Variants in TUBB2A observed in about 807,000 individuals in gnomAD.
TUBB2A encodes the protein tubulin beta 2A class IIa.
A neutral mutation model predicts 33.9 loss-of-function variants in TUBB2A; 7 were observed. The observed-to-expected ratio is 0.21, with a 90% CI of 0.12 to 0.39. The LOEUF (loss-of-function observed/expected upper bound fraction) is 0.39. Among genes scored for constraint, TUBB2A ranks in the 10% least tolerant of loss-of-function variants. TUBB2A has a pLI of 1.00. For missense variants in TUBB2A, 80 were observed against 593.4 expected (o/e 0.13, Z 8.99); for synonymous variants, 187 against 247.6 (o/e 0.76, Z 2.30).
chr6:3,155,046 C>T lies in TUBB2A; in HGVS notation c.278-123G>A. 3 of 1,517,442 alleles carry T rather than the reference C, an allele frequency of 2.0e-6. No homozygotes were observed. Among genetic ancestry groups the T allele is most frequent in the Non-Finnish European group, 2.7e-6 (3 of 1,129,506 alleles). 94.0% of individuals were successfully genotyped at this position (1,517,442 alleles called of 1,614,324 possible). On this transcript the variant is annotated intron_variant, in intron 3 of 3. Transcript: ENST00000333628. The surrounding 1 kb of genome is among the most constrained non-coding windows in gnomAD (Gnocchi z 4.2). ...GGCAGATTCTTCTCTTTTGAATACT[C>T]TTCTTTTACCTGAAGAAATATTTTT...
intron 1 of TUBB2A, 52 bp from the exon 2 acceptor site, chr6:3,156,204 G>A (rs770927776): frequency 6.2e-7 from 1 of 1,612,360 alleles, no homozygotes; most frequent in African/African-American, 1.3e-5. Flanking sequence ...ATGTCACTAA[G>A]GATGGCCTTG....
intron 1 of TUBB2A, among the ~76,000 whole-genome samples, chr6:3,156,505 A>G (rs1303720085): frequency 6.6e-6 from 1 of 151,944 alleles, no homozygotes; most frequent in South Asian, 2.1e-4. Flanking sequence ...ATGCCATTGC[A>G]TCCGGGATGA....
rs1762610100 is a variant in TUBB2A at position 3,155,141 on chromosome 6, TATTG to T, written c.278-222_278-219del. ...GAAGTAAGTTTAGCTCATCTGAGGC[TATTG>T]ATTGAGGAAGAGGATAGGGTTAGAA... On this transcript the variant is annotated intron_variant, in intron 3 of 3. Coordinates refer to ENST00000333628, the MANE Select transcript of TUBB2A (RefSeq NM_001069.3). The surrounding 1 kb of genome is among the most constrained non-coding windows in gnomAD (Gnocchi z 4.2). 7.7e-6 allele frequency: 10 copies of T among 1,299,456 alleles called. No homozygotes were observed. The highest frequency in any genetic ancestry group is 1.0e-5 in the Non-Finnish European group (10 of 970,536). 80.5% of individuals were successfully genotyped at this position (1,299,456 alleles called of 1,614,324 possible). A position where few individuals can be genotyped will look rare whatever the true frequency, so the allele number is the denominator to read the frequency against.
In TUBB2A at chr6:3,153,892, C is replaced by T. The variant is rs369148878; in HGVS notation, c.1309G>A (p.Glu437Lys). Residue 437 changes from glutamate to lysine, a missense_variant, in exon 4 of 4, where the codon GAG becomes AAG. Glu to Lys is a moderately conservative substitution (Grantham distance 56, BLOSUM62 1). This residue lies in a region of TUBB2A where 15 missense variants were observed against 23.2 expected (regional missense o/e 0.65). Coordinates refer to ENST00000333628, the MANE Select transcript of TUBB2A (RefSeq NM_001069.3). ...DATADEQGEF[E>K]EEEGEDEA ...GCCTCGTCCTCGCCCTCCTCCTCCT[C>T]GAACTCCCCTTGTTCGTCGGCCGTG... 1 of 1,613,952 alleles carries T rather than the reference C, an allele frequency of 6.2e-7. No individual in the cohort carries two copies. The highest frequency in any genetic ancestry group is 1.3e-5 in the African/African-American group (1 of 74,980).
rs1581497078 is a variant in TUBB2A at position 3,154,930 on chromosome 6, G to A, written c.278-7C>T. 3.1e-6 allele frequency: 5 copies of A among 1,614,022 alleles called. No homozygotes were observed. Among genetic ancestry groups the A allele is most frequent in the Non-Finnish European group, 4.2e-6 (5 of 1,180,010 alleles). On this transcript the variant is annotated splice_region_variant and splice_polypyrimidine_tract_variant and intron_variant, in intron 3 of 3. Coordinates refer to ENST00000333628, the MANE Select transcript of TUBB2A (RefSeq NM_001069.3). ...TTCCCGGCTCCACTCTGGCCTGCCAGAGGGAAAGTGAACATTAGACACTAA... is the reference window on the plus strand; with the variant it reads ...TTCCCGGCTCCACTCTGGCCTGCCAAAGGGAAAGTGAACATTAGACACTAA...
rs928638865 is a variant in TUBB2A, at chr6:3,155,178, T to C, written c.278-255A>G. 130 of 1,003,612 alleles carry C rather than the reference T, an allele frequency of 1.3e-4. No homozygotes were observed. The highest frequency in any genetic ancestry group is 1.8e-4 in the Non-Finnish European group (124 of 708,060). The allele number at this position is 1,003,612 out of a possible 1,614,324, so 62.2% of individuals were successfully genotyped here. On this transcript the variant is annotated intron_variant, in intron 3 of 3. Transcript: ENST00000333628. The surrounding 1 kb of genome is among the most constrained non-coding windows in gnomAD (Gnocchi z 4.2). The stretch of plus-strand genomic sequence containing the variant: ...AAGAGGATAGGGTTAGAAAACTTAA[T>C]TGGTTCTGAAATACATACATTTTTA...
rs1049372034 is a variant in TUBB2A at position 3,155,311 on chromosome 6, G to A, written c.277+314C>T. Among the ~76,000 whole-genome samples the A allele has an allele frequency of 6.6e-6, 1 of 152,240 alleles. No individual in the cohort carries two copies. Reference sequence around the variant, plus strand: ...CTGTCTAGCTCTGGTCATAACCTGTGCTTTTGGCCCCTGGCTCTTTGAAGT... The same window carrying A: ...CTGTCTAGCTCTGGTCATAACCTGTACTTTTGGCCCCTGGCTCTTTGAAGT... On this transcript the variant is annotated intron_variant, in intron 3 of 3. Transcript: ENST00000333628. The surrounding 1 kb of genome is among the most constrained non-coding windows in gnomAD (Gnocchi z 4.2).
In TUBB2A at chr6:3,155,702, T is replaced by G; in HGVS notation, c.200A>C (p.Asp67Ala). The G allele has an allele frequency of 6.2e-7, 1 of 1,614,074 alleles. No individual in the cohort carries two copies. The highest frequency in any genetic ancestry group is 8.5e-7 in the Non-Finnish European group (1 of 1,180,022). The change falls in exon 3 of 4, where the codon GAT becomes GCT. Residue 67 changes from aspartate (D) to alanine (A), a missense_variant. Physicochemically the swap from Asp to Ala is moderately radical, Grantham distance 126. Coordinates refer to ENST00000333628, the MANE Select transcript of TUBB2A (RefSeq NM_001069.3). The surrounding 1 kb of genome is among the most constrained non-coding windows in gnomAD (Gnocchi z 4.2). Reference sequence around the variant, plus strand: ...AGAGTCCATGGTGCCAGGCTCCAGATCCACCAGGATGGCCCGAGGTACATA... The same window carrying G: ...AGAGTCCATGGTGCCAGGCTCCAGAGCCACCAGGATGGCCCGAGGTACATA... ...NKYVPRAILVDLEPGTMDSVR... is the reference protein window; with the variant it reads ...NKYVPRAILVALEPGTMDSVR...
Position 3,154,517 on chromosome 6 carries a change from C to A in TUBB2A, c.684G>T (p.Leu228=), listed in dbSNP as rs1261546085. Residue 228 remains leucine, a synonymous_variant, in exon 4 of 4, where the codon CTG becomes CTT. Coordinates refer to ENST00000333628, the MANE Select transcript of TUBB2A (RefSeq NM_001069.3). Reference sequence around the variant, plus strand: ...TGACCCCGCTCATGGTGGCCGACACCAGGTGGTTGAGGTCCCCGTAGGTGG... The same window carrying A: ...TGACCCCGCTCATGGTGGCCGACACAAGGTGGTTGAGGTCCCCGTAGGTGG... ...TTPTYGDLNH[L]VSATMSGVTT... is the part of the protein sequence containing the mutation. 1 of 1,610,348 alleles carries A rather than the reference C, an allele frequency of 6.2e-7. No individual in the cohort carries two copies. Among genetic ancestry groups the A allele is most frequent in the Admixed American group, 1.7e-5 (1 of 59,680 alleles).
In TUBB2A at chr6:3,154,755, G is replaced by T; in HGVS notation, c.446C>A (p.Thr149Asn). 6.2e-7 allele frequency: 1 copy of T among 1,610,216 alleles called. No homozygotes were observed. The highest frequency in any genetic ancestry group is 2.2e-5 in the East Asian group (1 of 44,744). Residue 149 changes from threonine to asparagine, a missense_variant, in exon 4 of 4, where the codon ACC becomes AAC. Coordinates refer to ENST00000333628, the MANE Select transcript of TUBB2A (RefSeq NM_001069.3). ...TTCCCGGATCTTGCTGATGAGCAGGGTGCCCATCCCGGACCCCGTGCCGCC... is the reference window on the plus strand; with the variant it reads ...TTCCCGGATCTTGCTGATGAGCAGGTTGCCCATCCCGGACCCCGTGCCGCC... Reference protein sequence around the residue: ...LGGGTGSGMGTLLISKIREEY... With the variant: ...LGGGTGSGMGNLLISKIREEY...
In TUBB2A at chr6:3,155,939, G is replaced by A. The variant is rs1432354124; in HGVS notation, c.166+105C>T. The A allele has an allele frequency of 1.4e-6, 2 of 1,478,198 alleles. No individual in the cohort carries two copies. Among genetic ancestry groups the A allele is most frequent in the Admixed American group, 4.7e-5 (2 of 42,718 alleles). 91.6% of individuals were successfully genotyped at this position (1,478,198 alleles called of 1,614,324 possible). On this transcript the variant is annotated intron_variant, in intron 2 of 3. Coordinates refer to ENST00000333628, the MANE Select transcript of TUBB2A (RefSeq NM_001069.3). The surrounding 1 kb of genome is among the most constrained non-coding windows in gnomAD (Gnocchi z 4.2). Reference sequence around the variant, plus strand: ...TTTTCCAGCAGTTGGCATTTGAAATGAATATGCAAGAAGCATGCCTTTGTC... The same window carrying A: ...TTTTCCAGCAGTTGGCATTTGAAATAAATATGCAAGAAGCATGCCTTTGTC...
In TUBB2A at chr6:3,153,833, C is replaced by T; in HGVS notation, c.*30G>A. Reference sequence around the variant, plus strand: ...CATGCTTGAGGACAACAGAAGTTCACTAAGGATGCACGATTGATCTGAGAA... The same window carrying T: ...CATGCTTGAGGACAACAGAAGTTCATTAAGGATGCACGATTGATCTGAGAA... On this transcript the variant is annotated 3_prime_UTR_variant, in exon 4 of 4. Transcript: ENST00000333628. 2 of 1,612,722 alleles carry T rather than the reference C, an allele frequency of 1.2e-6. No homozygotes were observed. The highest frequency in any genetic ancestry group is 1.7e-6 in the Non-Finnish European group (2 of 1,178,778).
rs1432943135 is a variant in TUBB2A at position 3,153,841 on chromosome 6, G to A, written c.*22C>T. The A allele has an allele frequency of 3.1e-6, 5 of 1,613,524 alleles. No individual in the cohort carries two copies. The highest frequency in any genetic ancestry group is 4.2e-6 in the Non-Finnish European group (5 of 1,179,536). On this transcript the variant is annotated 3_prime_UTR_variant, in exon 4 of 4. Transcript: ENST00000333628. ...AGGACAACAGAAGTTCACTAAGGAT[G>A]CACGATTGATCTGAGAAGTTTTTAA...
Position 3,153,688 on chromosome 6 carries a change from T to A in TUBB2A, c.*175A>T. Reference sequence around the variant, plus strand: ...AGGTTTTCTACACATGCTTTTTTATTAGTATAGATACCTTCACAGACAATA... The same window carrying A: ...AGGTTTTCTACACATGCTTTTTTATAAGTATAGATACCTTCACAGACAATA... On this transcript the variant is annotated 3_prime_UTR_variant, in exon 4 of 4. Coordinates refer to ENST00000333628, the MANE Select transcript of TUBB2A (RefSeq NM_001069.3). The A allele has an allele frequency of 9.9e-7, 1 of 1,006,690 alleles. No individual in the cohort carries two copies. Among genetic ancestry groups the A allele is most frequent in the Non-Finnish European group, 1.4e-6 (1 of 699,322 alleles). The allele number at this position is 1,006,690 out of a possible 1,614,324, so 62.4% of individuals were successfully genotyped here.
chr6:3,153,825 G>T lies in TUBB2A; in HGVS notation c.*38C>A, dbSNP rs72843326. 414 of 1,611,754 alleles carry T rather than the reference G, an allele frequency of 2.6e-4. No homozygotes were observed. The highest frequency in any genetic ancestry group is 3.3e-4 in the Non-Finnish European group (389 of 1,177,966). On this transcript the variant is annotated 3_prime_UTR_variant, in exon 4 of 4. Coordinates refer to ENST00000333628, the MANE Select transcript of TUBB2A (RefSeq NM_001069.3). ...AGAAAGACCATGCTTGAGGACAACA[G>T]AAGTTCACTAAGGATGCACGATTGA...
rs1347491344 is a variant in TUBB2A, at chr6:3,155,908, A to G, written c.166+136T>C. The G allele has an allele frequency of 2.7e-6, 4 of 1,477,538 alleles. No individual in the cohort carries two copies. The African/African-American group carries it at 4.2e-5, about 16-fold the overall frequency. 91.5% of individuals were successfully genotyped at this position (1,477,538 alleles called of 1,614,324 possible). Reference sequence around the variant, plus strand: ...GGCAGGAATCTTAGGAAACCATAAAACATGTTTTTCCAGCAGTTGGCATTT... The same window carrying G: ...GGCAGGAATCTTAGGAAACCATAAAGCATGTTTTTCCAGCAGTTGGCATTT... On this transcript the variant is annotated intron_variant, in intron 2 of 3. Coordinates refer to ENST00000333628, the MANE Select transcript of TUBB2A (RefSeq NM_001069.3). The surrounding 1 kb of genome is among the most constrained non-coding windows in gnomAD (Gnocchi z 4.2).
rs1255074231 is a variant in TUBB2A, at chr6:3,155,096, T to C, written c.278-173A>G. 10 of 1,456,990 alleles carry C rather than the reference T, an allele frequency of 6.9e-6. No homozygotes were observed. The highest frequency in any genetic ancestry group is 2.5e-5 in the East Asian group (1 of 40,156). 90.3% of individuals were successfully genotyped at this position (1,456,990 alleles called of 1,614,324 possible). A position where few individuals can be genotyped will look rare whatever the true frequency, so the allele number is the denominator to read the frequency against. ...TCTATGTCAGTGACCTCAAAAACACTGGGGATCATAATAAAGTAAGAAGTA... is the reference window on the plus strand; with the variant it reads ...TCTATGTCAGTGACCTCAAAAACACCGGGGATCATAATAAAGTAAGAAGTA... On this transcript the variant is annotated intron_variant, in intron 3 of 3. Coordinates refer to ENST00000333628, the MANE Select transcript of TUBB2A (RefSeq NM_001069.3). This position sits in a 1 kb window ranked among gnomAD's most constrained non-coding sequence, Gnocchi z 4.2.
chr6:3,157,379 C>T lies in TUBB2A; in HGVS notation c.57+28G>A, dbSNP rs749975006. 1.7e-5 allele frequency: 25 copies of T among 1,498,662 alleles called. No homozygotes were observed. In the Admixed American group the frequency reaches 5.1e-4, roughly 31 times the overall value. The allele number at this position is 1,498,662 out of a possible 1,614,324, so 92.8% of individuals were successfully genotyped here. On this transcript the variant is annotated intron_variant, in intron 1 of 3. Transcript: ENST00000333628. ...CCAGCCCGCACCCTCGGTCCCAACC[C>T]CGGGCCCCTCCGTGGCGGTGAGCCC...
In TUBB2A at chr6:3,155,644, T is replaced by C. The variant is rs1361081752; in HGVS notation, c.258A>G (p.Arg86=). 4.3e-6 allele frequency: 7 copies of C among 1,613,198 alleles called. No homozygotes were observed. Among genetic ancestry groups the C allele is most frequent in the Non-Finnish European group, 4.2e-6 (5 of 1,179,692 alleles). Residue 86 remains arginine, a synonymous_variant, in exon 3 of 4, where the codon AGA becomes AGG. Coordinates refer to ENST00000333628, the MANE Select transcript of TUBB2A (RefSeq NM_001069.3). The surrounding 1 kb of genome is among the most constrained non-coding windows in gnomAD (Gnocchi z 4.2). The part of the protein sequence containing the change: ...VRSGPFGQIF[R]PDNFVFGQSG... ...ACATACCGAACACGAAGTTGTCTGG[T>C]CTGAAGATCTGGCCGAAGGGTCCAG...
Sources: gnomAD v4.1 joint callset for allele counts (sites outside exome capture counted in the v4.1 genomes callset) on GRCh38, gnomAD v4.1.1 for gene constraint, gnomAD v4.1.1 regional missense constraint, Gnocchi (gnomAD v3.1) non-coding constraint, MANE v1.5 for transcripts, NCBI Gene and HGNC (gene_info 2026-07-23, HGNC 2026-07-21) for gene names.